The following CPQ variants were observed in gnomAD, a reference collection of about 807,000 sequenced individuals.
CPQ encodes Ser-Met dipeptidase.
In CPQ, 37 loss-of-function variants were observed where a neutral mutation model predicts 45.7. The ratio of observed to expected loss-of-function variants is 0.81; its 90% CI spans 0.62 to 1.07. The LOEUF (loss-of-function observed/expected upper bound fraction) is 1.07. Among genes scored for constraint, CPQ ranks in the 50% least tolerant of loss-of-function variants. The pLI, the probability that CPQ is intolerant of heterozygous loss-of-function variation, is 0.00. For missense variants in CPQ, 537 were observed against 572.9 expected, an observed-to-expected ratio of 0.94 and a Z score of 0.64; for synonymous variants, 186 against 205.8, an observed-to-expected ratio of 0.90 and a Z score of 0.82.
intron 3 of CPQ, among the ~76,000 whole-genome samples, chr8:96,872,814 C>T (rs888821668): frequency 3.3e-5 from 5 of 151,842 alleles, no homozygotes; most frequent in Non-Finnish European, 7.4e-5. Context: ...AACACAAAAG[C>T]TAATATTTAT....
chr8:96,679,018 C>T (rs1809113196), intron 1 of CPQ, among the ~76,000 whole-genome samples: 2 of 151,976 alleles, frequency 1.3e-5, no homozygotes, highest in South Asian at 2.1e-4. Context: ...ATGTATTCTT[C>T]TAGTAGTTTT....
chr8:96,833,682 A>G (rs1231081290), intron 2 of CPQ, among the ~76,000 whole-genome samples: 2 of 152,212 alleles, frequency 1.3e-5, no homozygotes, highest in Non-Finnish European at 2.9e-5. Flanking sequence ...CTTAGTTTCC[A>G]TAATTATACA....
At chr8:96,794,543 T>TTGGGAAAA (rs1378049983) in intron 2 of CPQ, among the ~76,000 whole-genome samples, 1 of 152,196 alleles carries the variant, frequency 6.6e-6, no homozygotes, top group Admixed American at 6.5e-5. Context: ...ATTTTCCCCA[T>TTGGGAAAA]TGTCTTGGGG....
intron 1 of CPQ, among the ~76,000 whole-genome samples, chr8:96,665,545 G>A (rs1207396139): frequency 1.3e-5 from 2 of 152,232 alleles, no homozygotes; most frequent in African/African-American, 2.4e-5. Context: ...GGAAGGTGAT[G>A]AGTTTGGAGA....
intron 7 of CPQ, among the ~76,000 whole-genome samples, chr8:97,130,316 C>T (rs1019639658): frequency 2.6e-5 from 4 of 152,028 alleles, no homozygotes; most frequent in South Asian, 2.1e-4. Flanking sequence ...TCTCAAGCAT[C>T]GTTTACCTTG....
At chr8:96,727,797 T>A (rs1809863399) in intron 1 of CPQ, among the ~76,000 whole-genome samples, 1 of 152,172 alleles carries the variant, frequency 6.6e-6, no homozygotes. Flanking sequence ...GGCCTGATGA[T>A]GGGGGTAGCT....
At position 96,762,269 on chromosome 8, in the gene CPQ, A is replaced by G. The variant is rs192225966; in HGVS notation, c.-34-22595A>G. ...CACTGTGTATGAGGTGTCCCTGAAC[A>G]TTGGAAGTCTAAAGAGCATGGATTT... On this transcript the variant is annotated intron_variant, in intron 1 of 7. Coordinates refer to ENST00000220763, the MANE Select transcript of CPQ (RefSeq NM_016134.4). 1.8e-3 allele frequency among the ~76,000 whole-genome samples: 280 copies of G among 152,278 alleles called. 1 individual carries two copies. Among genetic ancestry groups the G allele is most frequent in the Middle Eastern group, 6.8e-3 (2 of 294 alleles).
chr8:96,877,582 C>T (rs550819480), intron 3 of CPQ, among the ~76,000 whole-genome samples: 12 of 152,306 alleles, frequency 7.9e-5, no homozygotes, highest in Non-Finnish European at 1.8e-4. Context: ...TCCACTAGCT[C>T]AGTGGGAAAA....
chr8:96,672,344 G>A (rs960138129), intron 1 of CPQ, among the ~76,000 whole-genome samples: 3 of 152,048 alleles, frequency 2.0e-5, no homozygotes, highest in Non-Finnish European at 2.9e-5. Context: ...TAGGTACTGG[G>A]GATATAGCAG....
At chr8:96,847,479 A>G (rs537121892) in intron 3 of CPQ, among the ~76,000 whole-genome samples, 2 of 152,190 alleles carry the variant, frequency 1.3e-5, no homozygotes, top group Non-Finnish European at 2.9e-5. Flanking sequence ...TTTTTGATAA[A>G]GCATCAAAAA....
chr8:97,032,496 C>A (rs1193030577), intron 6 of CPQ, among the ~76,000 whole-genome samples: 1 of 152,192 alleles, frequency 6.6e-6, no homozygotes, highest in Non-Finnish European at 1.5e-5. Context: ...CAGCCACTTC[C>A]CAACAACAGC....
intron 2 of CPQ, among the ~76,000 whole-genome samples, chr8:96,789,432 T>C (rs1810818151): frequency 6.6e-6 from 1 of 152,174 alleles, no homozygotes. Flanking sequence ...TTCTGTTTTA[T>C]TTTTTGTTTT....
chr8:97,045,534 A>G (rs538934989), intron 6 of CPQ, among the ~76,000 whole-genome samples: 2 of 152,266 alleles, frequency 1.3e-5, no homozygotes, highest in South Asian at 4.1e-4. Context: ...AGTGAGATGA[A>G]CCTGGTACCT....
At chr8:96,883,159 C>T (rs187124256) in intron 4 of CPQ, among the ~76,000 whole-genome samples, 71 of 152,210 alleles carry the variant, frequency 4.7e-4, no homozygotes, top group African/African-American at 1.6e-3. Flanking sequence ...TATGACAATT[C>T]GTTTATCCAT....
intron 3 of CPQ, among the ~76,000 whole-genome samples, chr8:96,859,729 G>A (rs1291588502): frequency 2.6e-5 from 4 of 152,108 alleles, no homozygotes; most frequent in South Asian, 4.1e-4. Flanking sequence ...CTTAGAAGTA[G>A]AACTTCTCCC....
At chr8:97,091,896 G>A (rs1811133080) in intron 7 of CPQ, among the ~76,000 whole-genome samples, 1 of 152,066 alleles carries the variant, frequency 6.6e-6, no homozygotes, top group Non-Finnish European at 1.5e-5. Context: ...GAGAGAGAGA[G>A]AGAGAGGATG....
chr8:97,126,870 G>A (rs1046351518), intron 7 of CPQ, among the ~76,000 whole-genome samples: 9 of 152,274 alleles, frequency 5.9e-5, no homozygotes, highest in East Asian at 5.8e-4. Context: ...AGGTCTATGC[G>A]TATATGGTCA....
chr8:96,953,781 C>T (rs1187846938), intron 4 of CPQ, among the ~76,000 whole-genome samples: 1 of 152,054 alleles, frequency 6.6e-6, no homozygotes, highest in Admixed American at 6.6e-5. Context: ...TTGTGGCCAC[C>T]ACCTGAGTTT....
rs530570771 is a variant in CPQ, at chr8:96,861,336, G to T, written c.642-18462G>T. On this transcript the variant is annotated intron_variant, in intron 3 of 7. Coordinates refer to ENST00000220763, the MANE Select transcript of CPQ (RefSeq NM_016134.4). Reference sequence around the variant, plus strand: ...ATGACTAAGACAAAGCAGAAAATTGGGAAGAACAGTGAAAAGGGCAAGAAG... The same window carrying T: ...ATGACTAAGACAAAGCAGAAAATTGTGAAGAACAGTGAAAAGGGCAAGAAG... 2.0e-5 allele frequency among the ~76,000 whole-genome samples: 3 copies of T among 152,240 alleles called. No individual in the cohort carries two copies. In the South Asian group the frequency reaches 6.2e-4, roughly 32 times the overall value.
Sources: allele counts gnomAD v4.1 joint callset (sites outside exome capture counted in the v4.1 genomes callset), GRCh38; gene constraint gnomAD v4.1.1; transcripts MANE v1.5; gene names NCBI Gene and HGNC (gene_info 2026-07-23, HGNC 2026-07-21).